Variants in INF2 observed in about 807,000 individuals in gnomAD.
INF2 encodes inverted formin-2.
INF2 carries 43 observed loss-of-function variants against 123.5 expected under a neutral mutation model. The observed-to-expected ratio is 0.35, with a 90% confidence interval of 0.27 to 0.45. The LOEUF (loss-of-function observed/expected upper bound fraction) is 0.45, where lower values mean the gene tolerates loss of function less well. Among genes scored for constraint, INF2 ranks in the 20% least tolerant of loss-of-function variants. The pLI, the probability that INF2 is intolerant of heterozygous loss-of-function variation, is 1.00. For synonymous variants in INF2, 851 were observed against 745.0 expected, an observed-to-expected ratio of 1.14 and a Z score of -2.32; for missense variants, 1,453 against 1,682.7, an observed-to-expected ratio of 0.86 and a Z score of 2.39.
At chr14:104,709,195 A>G in intron 10 of INF2, 86 bp from the exon 11 acceptor site, 1 of 1,039,926 alleles carries the variant, frequency 9.6e-7, no homozygotes, top group Non-Finnish European at 1.5e-6. Flanking sequence ...CTACGTGGGG[A>G]AACCCTGCCA....
chr14:104,710,322 C>T, intron 13 of INF2, 134 bp downstream of exon 13: 1 of 667,420 alleles, frequency 1.5e-6, no homozygotes, highest in Non-Finnish European at 2.6e-6. Flanking sequence ...CAGCCTTCAC[C>T]ACCACTCCGG....
chr14:104,717,679 C>G (rs1890375350), intron 22 of INF2: 2 of 152,202 alleles, frequency 1.3e-5, no homozygotes, highest in Non-Finnish European at 2.9e-5. Flanking sequence ...GGCAGGAGTT[C>G]TACCCCAAGG....
chr14:104,711,889 T>C (rs1008246365), intron 16 of INF2, among the ~76,000 whole-genome samples, 190 bp downstream of exon 16: 15 of 152,156 alleles, frequency 9.9e-5, no homozygotes, highest in Admixed American at 7.2e-4. Context: ...TATCCCCTTC[T>C]GACTTAAGCG....
chr14:104,710,575 C>T (rs1016153554), intron 13 of INF2: 15 of 497,026 alleles, frequency 3.0e-5, no homozygotes, highest in Non-Finnish European at 4.8e-5. Context: ...CACAGACACA[C>T]GTACACACCC....
Position 104,719,666 on chromosome 14 carries a change from C to G in INF2, c.*873C>G, listed in dbSNP as rs1890475758. On this transcript the variant is annotated 3_prime_UTR_variant, in exon 23 of 23. Coordinates refer to ENST00000392634, the MANE Select transcript of INF2 (RefSeq NM_022489.4). ...AGTGGGCGGTGGACGTGGGCTCCCA[C>G]AAACATGGTGAGCGCTGGACAGGCC... The G allele has an allele frequency of 1.3e-5, 2 of 152,234 alleles. No individual in the cohort carries two copies. The highest frequency in any genetic ancestry group is 2.1e-4 in the South Asian group (1 of 4,832). The allele number at this position is 152,234 out of a possible 1,614,324, so 9.4% of individuals were successfully genotyped here.
intron 22 of INF2, chr14:104,716,033 T>G (rs1595182325): frequency 2.2e-6 from 1 of 444,946 alleles, no homozygotes; most frequent in Non-Finnish European, 4.5e-6. Flanking sequence ...TCCACAGGGC[T>G]GGAGAGGCCA....
At chr14:104,683,129 C>T (rs540325515) in intron 1 of INF2, among the ~76,000 whole-genome samples, 5 of 138,320 alleles carry the variant, frequency 3.6e-5, no homozygotes, top group Non-Finnish European at 7.7e-5. Flanking sequence ...CAAGGAGCAG[C>T]AAAGGTCCTC....
chr14:104,714,285 C>T lies in INF2; in HGVS notation c.3123C>T (p.Ala1041=). 1 of 1,593,368 alleles carries T rather than the reference C, an allele frequency of 6.3e-7. No individual in the cohort carries two copies. Among genetic ancestry groups the T allele is most frequent in the Non-Finnish European group, 8.5e-7 (1 of 1,171,418 alleles). The part of the protein sequence containing the change: ...ASEPGLDATT[A]SESRGWDLVD... ...AGCCCGGCCTTGATGCTACAACAGC[C>T]AGCGAGTCCCGGGGCTGGGACCTTG... Residue 1041 remains alanine, a synonymous_variant, in exon 21 of 23, where the codon GCC becomes GCT. Transcript: ENST00000392634.
rs756383109 is a variant in INF2 at position 104,714,768 on chromosome 14, G to T, written c.3606G>T (p.Ser1202=). The change falls in exon 21 of 23, where the codon TCG becomes TCT. Residue 1202 remains serine, a synonymous_variant. Coordinates refer to ENST00000392634, the MANE Select transcript of INF2 (RefSeq NM_022489.4). ...SFSEDAVTDS[S]GSGTLPRARG... ...CCGAGGATGCGGTGACCGACTCCTC[G>T]GGGTCGGGCACACTCCCCAGGGCCC... 1.3e-6 allele frequency: 2 copies of T among 1,599,342 alleles called. No individual in the cohort carries two copies. The highest frequency in any genetic ancestry group is 3.5e-5 in the Admixed American group (2 of 57,494).
Position 104,707,458 on chromosome 14 carries a change from G to A in INF2, c.1191G>A (p.Val397=). 6.4e-7 allele frequency: 1 copy of A among 1,559,256 alleles called. No individual in the cohort carries two copies. Among genetic ancestry groups the A allele is most frequent in the Non-Finnish European group, 8.7e-7 (1 of 1,152,346 alleles). The part of the protein sequence containing the change: ...QPAAAAACEP[V]DHAQSESILK... ...CAGCAGCTGCTGCCTGCGAGCCCGTGGACCACGCCCAGAGTGAGAGCATCC... is the reference window on the plus strand; with the variant it reads ...CAGCAGCTGCTGCCTGCGAGCCCGTAGACCACGCCCAGAGTGAGAGCATCC... Residue 397 remains valine, a synonymous_variant, in exon 8 of 23, where the codon GTG becomes GTA. Transcript: ENST00000392634.
At chr14:104,693,561 T>C (rs1319012364) in intron 1 of INF2, among the ~76,000 whole-genome samples, 1 of 152,080 alleles carries the variant, frequency 6.6e-6, no homozygotes, top group African/African-American at 2.4e-5. Flanking sequence ...TTCTGTATCA[T>C]CTCCAAGCCC....
chr14:104,715,418 C>G, intron 22 of INF2, 78 bp downstream of exon 22: 1 of 1,282,018 alleles, frequency 7.8e-7, no homozygotes, highest in Admixed American at 1.7e-5. Context: ...GCCCACACCC[C>G]TCCGGGACAC....
intron 10 of INF2, 107 bp downstream of exon 10, chr14:104,708,839 A>G: frequency 8.8e-7 from 1 of 1,140,378 alleles, no homozygotes; most frequent in East Asian, 2.3e-5. Flanking sequence ...TGGGAAGTGC[A>G]CACTGCATCC....
intron 1 of INF2, chr14:104,700,913 C>G (rs1337223237): frequency 1.0e-6 from 1 of 974,486 alleles, no homozygotes; most frequent in African/African-American, 1.8e-5. Context: ...GGGAAGTGCC[C>G]TGGGGTGAGA....
At chr14:104,694,709 C>T (rs1294535128) in intron 1 of INF2, among the ~76,000 whole-genome samples, 1 of 152,274 alleles carries the variant, frequency 6.6e-6, no homozygotes, top group East Asian at 1.9e-4. Context: ...AGCCCCTGGC[C>T]GTGCTGGGTG....
At chr14:104,711,864 G>A (rs1437182339) in intron 16 of INF2, among the ~76,000 whole-genome samples, 165 bp downstream of exon 16, 3 of 152,204 alleles carry the variant, frequency 2.0e-5, no homozygotes, top group Non-Finnish European at 4.4e-5. Context: ...GGACAGGACC[G>A]GGTCTGCCGT....
At chr14:104,697,893 G>GGT (rs1555372669) in intron 1 of INF2, among the ~76,000 whole-genome samples, 4 of 152,224 alleles carry the variant, frequency 2.6e-5, no homozygotes, top group African/African-American at 9.7e-5. Flanking sequence ...CTGCCGGGGG[G>GGT]GGTGGATGGG....
intron 2 of INF2, among the ~76,000 whole-genome samples, chr14:104,702,097 G>A (rs1235832441): frequency 6.6e-6 from 1 of 152,098 alleles, no homozygotes; most frequent in Non-Finnish European, 1.5e-5. Context: ...TCGGCGGCAG[G>A]AGTCACTGAG....
chr14:104,682,730 A>C (rs59766306), intron 1 of INF2, among the ~76,000 whole-genome samples: 5,834 of 152,224 alleles, frequency 0.038, 478 homozygotes, highest in East Asian at 0.37. Flanking sequence ...ATTTACCCTA[A>C]CTCAGGAATG....
Sources: allele counts gnomAD v4.1 joint callset (sites outside exome capture counted in the v4.1 genomes callset), GRCh38; gene constraint gnomAD v4.1.1; transcripts MANE v1.5; gene names NCBI Gene and HGNC (gene_info 2026-07-23, HGNC 2026-07-21).